Variants in CLMN observed in about 807,000 individuals in gnomAD.
The protein encoded by CLMN is calmin, also known as calmin (calponin-like, transmembrane).
Under a neutral mutation model 92.7 loss-of-function variants are expected in CLMN, and 57 were observed. That is an observed-to-expected ratio of 0.61 (90% CI 0.50 to 0.77). The LOEUF (loss-of-function observed/expected upper bound fraction) is 0.77. Ranked by LOEUF, CLMN falls within the 30% of genes least tolerant of loss-of-function variation. The probability of loss-of-function intolerance (pLI) is 0.00; values close to 1 mark genes in which losing one functional copy is unlikely to be tolerated. For missense variants in CLMN, 1,158 were observed against 1,237.5 expected, an observed-to-expected ratio of 0.94 and a Z score of 0.96; for synonymous variants, 466 against 470.6, an observed-to-expected ratio of 0.99 and a Z score of 0.13.
Position 95,210,853 on chromosome 14 carries a change from G to A in CLMN, c.635C>T (p.Ala212Val), listed in dbSNP as rs758730970. The A allele has an allele frequency of 1.2e-5, 18 of 1,552,210 alleles. No homozygotes were observed. The highest frequency in any genetic ancestry group is 7.2e-5 in the South Asian group (6 of 82,912). Reference protein sequence around the residue: ...RKYGVAVQDFAGSWRSGLAFL... With the variant: ...RKYGVAVQDFVGSWRSGLAFL... ...AGCCAGCCCACTCCTCCAACTGCCC[G>A]CAAAGTCCTGCACCGCCACGCCATA... Residue 212 changes from alanine (A) to valine (V), a missense_variant, in exon 7 of 13, where the codon GCG (alanine) becomes GTG (valine). By Grantham distance (64) the Ala-to-Val change is moderately conservative. Transcript: ENST00000298912.
At position 95,237,718 on chromosome 14, in the gene CLMN, C is replaced by T. The variant is rs114931780; in HGVS notation, c.83-7585G>A. ...AGGACAGCCGCAGCCCCATGGGTGGCAGGCTCTGGAGGCTTCTCTGATGCT... is the reference window on the plus strand; with the variant it reads ...AGGACAGCCGCAGCCCCATGGGTGGTAGGCTCTGGAGGCTTCTCTGATGCT... On this transcript the variant is annotated intron_variant, in intron 1 of 12. Coordinates refer to ENST00000298912, the MANE Select transcript of CLMN (RefSeq NM_024734.4). Among the ~76,000 whole-genome samples, 889 of 152,310 alleles carry T rather than the reference C, an allele frequency of 5.8e-3. 8 individuals are homozygous for T. The highest frequency in any genetic ancestry group is 0.021 in the African/African-American group (855 of 41,566).
chr14:95,301,359 T>C (rs1242173073), intron 1 of CLMN, among the ~76,000 whole-genome samples: 2 of 152,186 alleles, frequency 1.3e-5, no homozygotes, highest in Non-Finnish European at 2.9e-5. Context: ...GCGGGGGGAA[T>C]TTTTGACTGC....
intron 1 of CLMN, among the ~76,000 whole-genome samples, chr14:95,261,192 CAAAA>C (rs34154169): frequency 3.9e-5 from 5 of 127,890 alleles, no homozygotes; most frequent in African/African-American, 5.8e-5. Flanking sequence ...CACACAAATG[CAAAA>C]AAAAAAAAAA....
intron 2 of CLMN, among the ~76,000 whole-genome samples, chr14:95,228,086 G>C (rs1247270508): frequency 6.6e-6 from 1 of 152,142 alleles, no homozygotes; most frequent in African/African-American, 2.4e-5. Flanking sequence ...GCGAACAGAG[G>C]TTCATTTGGG....
intron 1 of CLMN, among the ~76,000 whole-genome samples, chr14:95,272,242 A>T (rs1453387639): frequency 1.3e-5 from 2 of 152,154 alleles, no homozygotes; most frequent in African/African-American, 4.8e-5. Flanking sequence ...ACTGAGCCGG[A>T]GGAGGAGCCT....
intron 1 of CLMN, among the ~76,000 whole-genome samples, chr14:95,276,491 A>G (rs1899933028): frequency 6.6e-6 from 1 of 152,148 alleles, no homozygotes; most frequent in Non-Finnish European, 1.5e-5. Context: ...GCTGGAAAAG[A>G]TCCTTTAGGG....
In CLMN at chr14:95,187,872, G is replaced by C. The variant is rs1302421364; in HGVS notation, c.*3692C>G. 1.3e-5 allele frequency: 2 copies of C among 152,222 alleles called. No homozygotes were observed. Among genetic ancestry groups the C allele is most frequent in the Non-Finnish European group, 2.9e-5 (2 of 68,054 alleles). 9.4% of individuals were successfully genotyped at this position (152,222 alleles called of 1,614,324 possible). A position where few individuals can be genotyped will look rare whatever the true frequency, so the allele number is the denominator to read the frequency against. Reference sequence around the variant, plus strand: ...AAGCTCAGAGCTGGGTATGTCTGGAGGAAGGGGCAAAAGGTGTCCTTTGCC... The same window carrying C: ...AAGCTCAGAGCTGGGTATGTCTGGACGAAGGGGCAAAAGGTGTCCTTTGCC... On this transcript the variant is annotated 3_prime_UTR_variant, in exon 13 of 13. Transcript: ENST00000298912.
At chr14:95,258,028 G>A (rs1290719306) in intron 1 of CLMN, among the ~76,000 whole-genome samples, 2 of 151,904 alleles carry the variant, frequency 1.3e-5, no homozygotes, top group Non-Finnish European at 2.9e-5. Context: ...CTGTGGGCAT[G>A]AGTGTGGTGC....
At chr14:95,263,307 A>G (rs958440470) in intron 1 of CLMN, among the ~76,000 whole-genome samples, 6 of 152,146 alleles carry the variant, frequency 3.9e-5, no homozygotes, top group African/African-American at 1.4e-4. Flanking sequence ...TAACTCTCTC[A>G]CTATCAGGAG....
chr14:95,273,164 G>A (rs1346678158), intron 1 of CLMN, among the ~76,000 whole-genome samples: 1 of 152,188 alleles, frequency 6.6e-6, no homozygotes, highest in African/African-American at 2.4e-5. Context: ...CCTGCAAATT[G>A]TGATGGAAAG....
At chr14:95,239,243 T>G (rs1166041959) in intron 1 of CLMN, among the ~76,000 whole-genome samples, 1 of 152,176 alleles carries the variant, frequency 6.6e-6, no homozygotes, top group Non-Finnish European at 1.5e-5. Context: ...TAGCAGACAT[T>G]GATGACTATA....
At chr14:95,261,306 C>T (rs1447344902) in intron 1 of CLMN, among the ~76,000 whole-genome samples, 1 of 152,076 alleles carries the variant, frequency 6.6e-6, no homozygotes, top group Non-Finnish European at 1.5e-5. Context: ...CCGCTGGGAA[C>T]GTGCGCGTCT....
At chr14:95,219,931 C>A (rs1455204709) in intron 4 of CLMN, among the ~76,000 whole-genome samples, 1 of 152,014 alleles carries the variant, frequency 6.6e-6, no homozygotes, top group Non-Finnish European at 1.5e-5. Flanking sequence ...TAAAAGAAAC[C>A]CTGTACCCTC....
chr14:95,279,784 AAAAACAAAAC>A (rs937512247), intron 1 of CLMN, among the ~76,000 whole-genome samples: 2 of 152,250 alleles, frequency 1.3e-5, no homozygotes, highest in Non-Finnish European at 2.9e-5. Context: ...CTCCGTCTCA[AAAAACAAAAC>A]AAAACAAAAC....
chr14:95,195,490 T>A (rs944574268), intron 10 of CLMN, among the ~76,000 whole-genome samples: 1 of 152,198 alleles, frequency 6.6e-6, no homozygotes, highest in Admixed American at 6.5e-5. Flanking sequence ...TGCCAGCAAC[T>A]CCTCTGGCTC....
Position 95,203,804 on chromosome 14 carries a change from T to C in CLMN, c.1545A>G (p.Thr515=). ...SSSCNGALES[T]ARHDEESHSL... is the part of the protein sequence containing the mutation. ...AGTGACTTTCTTCATCGTGGCGGGC[T>C]GTACTCTCTAAAGCACCATTACAGG... The change falls in exon 9 of 13, where the codon ACA becomes ACG. Residue 515 remains threonine (T), a synonymous_variant. Transcript: ENST00000298912. 6.2e-7 allele frequency: 1 copy of C among 1,614,224 alleles called. No individual in the cohort carries two copies.
chr14:95,303,621 A>G (rs1901151832), intron 1 of CLMN, among the ~76,000 whole-genome samples: 1 of 152,226 alleles, frequency 6.6e-6, no homozygotes, highest in Admixed American at 6.5e-5. Flanking sequence ...CCTCCTCTGC[A>G]ATGCCCCCGA....
At chr14:95,318,916 C>T (rs1901913913) in intron 1 of CLMN, among the ~76,000 whole-genome samples, 1 of 152,220 alleles carries the variant, frequency 6.6e-6, no homozygotes, top group South Asian at 2.1e-4. Context: ...TAAGTTTCCA[C>T]ATTGAATAAA....
chr14:95,314,740 A>G (rs2140803828), intron 1 of CLMN, among the ~76,000 whole-genome samples: 1 of 152,320 alleles, frequency 6.6e-6, no homozygotes, highest in Admixed American at 6.5e-5. Context: ...TGGAGCTGGC[A>G]CTAGAACACG....
Sources: gnomAD v4.1 joint callset for allele counts (sites outside exome capture counted in the v4.1 genomes callset) on GRCh38, gnomAD v4.1.1 for gene constraint, MANE v1.5 for transcripts, NCBI Gene and HGNC (gene_info 2026-07-23, HGNC 2026-07-21) for gene names.